Variants in KRAS observed in about 807,000 individuals in gnomAD.
KRAS encodes the protein GTPase KRas.
In KRAS, 1 loss-of-function variant was observed where a neutral mutation model predicts 21.0. That is an observed-to-expected ratio of 0.05 (90% CI 0.02 to 0.23). The LOEUF (loss-of-function observed/expected upper bound fraction) is 0.23, where lower values mean the gene tolerates loss of function less well. Among genes scored for constraint, KRAS ranks in the 10% least tolerant of loss-of-function variants. The pLI, the probability that KRAS is intolerant of heterozygous loss-of-function variation, is 1.00. For missense variants in KRAS, 107 were observed against 221.8 expected, an observed-to-expected ratio of 0.48 and a Z score of 3.29; for synonymous variants, 67 against 72.5, an observed-to-expected ratio of 0.92 and a Z score of 0.39.
chr12:25,238,808 T>C (rs1344425808), intron 2 of KRAS, among the ~76,000 whole-genome samples: 1 of 152,226 alleles, frequency 6.6e-6, no homozygotes, highest in African/African-American at 2.4e-5. Flanking sequence ...TCTCTATTGG[T>C]AGACATGAAG....
chr12:25,227,144 A>T, intron 3 of KRAS, 90 bp downstream of exon 3: 1 of 846,096 alleles, frequency 1.2e-6, no homozygotes, highest in Non-Finnish European at 1.8e-6. Flanking sequence ...TTTTTATTAA[A>T]TATTATATGC....
intron 4 of KRAS, among the ~76,000 whole-genome samples, chr12:25,210,173 C>T (rs899839274): frequency 7.2e-5 from 11 of 152,216 alleles, no homozygotes; most frequent in Admixed American, 3.9e-4. Flanking sequence ...AATAAGGTAA[C>T]GACTTTTTCA....
Position 25,209,420 on chromosome 12 carries a change from G to C in KRAS, c.*375C>G. ...AAATTAGTAATTAATCCATTTATGTGACTAGATAAAACACAGAATAGGGAT... is the reference window on the plus strand; with the variant it reads ...AAATTAGTAATTAATCCATTTATGTCACTAGATAAAACACAGAATAGGGAT... On this transcript the variant is annotated 3_prime_UTR_variant, in exon 5 of 5. Coordinates refer to ENST00000311936, the MANE Select transcript of KRAS (RefSeq NM_004985.5). 1.1e-6 allele frequency: 1 copy of C among 934,694 alleles called. No individual in the cohort carries two copies. The highest frequency in any genetic ancestry group is 1.5e-6 in the Non-Finnish European group (1 of 684,694). The allele number at this position is 934,694 out of a possible 1,614,324, so 57.9% of individuals were successfully genotyped here. A position where few individuals can be genotyped will look rare whatever the true frequency, so the allele number is the denominator to read the frequency against.
chr12:25,217,690 T>A (rs1206482096), intron 4 of KRAS, among the ~76,000 whole-genome samples: 1 of 152,048 alleles, frequency 6.6e-6, no homozygotes, highest in Non-Finnish European at 1.5e-5. Context: ...TACCAGCACT[T>A]TGAGAGGGCA....
rs931270212 is a variant in KRAS at position 25,205,736 on chromosome 12, T to C, written c.*4059A>G. ...AACATATCTGCAGATAACTTTTTTT[T>C]CCCCTAAATTCATCTAAATTACCTA... On this transcript the variant is annotated 3_prime_UTR_variant, in exon 5 of 5. Transcript: ENST00000311936. 6.5e-4 allele frequency: 141 copies of C among 215,774 alleles called. No homozygotes were observed. Among genetic ancestry groups the C allele is most frequent in the Middle Eastern group, 2.9e-3 (2 of 684 alleles). 13.4% of individuals were successfully genotyped at this position (215,774 alleles called of 1,614,324 possible).
chr12:25,244,153 CACAGT>C (rs1337632124), intron 2 of KRAS, among the ~76,000 whole-genome samples: 30 of 152,182 alleles, frequency 2.0e-4, no homozygotes, highest in Admixed American at 2.0e-3. Flanking sequence ...CAAGACACTA[CACAGT>C]ACAGTACGTT....
chr12:25,226,123 T>C (rs1001475215), intron 3 of KRAS, among the ~76,000 whole-genome samples: 4 of 152,298 alleles, frequency 2.6e-5, no homozygotes, highest in Admixed American at 6.5e-5. Context: ...GTTAAATGTG[T>C]AAAGATAAAA....
chr12:25,221,095 G>C (rs1446467846), intron 4 of KRAS, among the ~76,000 whole-genome samples: 3 of 149,548 alleles, frequency 2.0e-5, no homozygotes, highest in Admixed American at 1.3e-4. Flanking sequence ...ACTATGTTAA[G>C]TTTTACTTTA....
chr12:25,217,678 A>G (rs1951271179), intron 4 of KRAS, among the ~76,000 whole-genome samples: 1 of 152,168 alleles, frequency 6.6e-6, no homozygotes, highest in Non-Finnish European at 1.5e-5. Flanking sequence ...TAATGCCTGT[A>G]GTACCAGCAC....
chr12:25,227,384 T>G lies in KRAS; in HGVS notation c.140A>C (p.Asp47Ala). The change falls in exon 3 of 5, where the codon GAT becomes GCT. Residue 47 changes from aspartate to alanine, a missense_variant. Transcript: ENST00000311936. Reference protein sequence around the residue: ...EDSYRKQVVIDGETCLLDILD... With the variant: ...EDSYRKQVVIAGETCLLDILD... The stretch of plus-strand genomic sequence containing the variant: ...AATATCCAAGAGACAGGTTTCTCCA[T>G]CAATTACTACTTGCTTCCTGTAGGA... 6.2e-7 allele frequency: 1 copy of G among 1,614,088 alleles called. No individual in the cohort carries two copies. The highest frequency in any genetic ancestry group is 8.5e-7 in the Non-Finnish European group (1 of 1,179,982).
chr12:25,246,801 C>T (rs61759626), intron 1 of KRAS, among the ~76,000 whole-genome samples: 163 of 151,028 alleles, frequency 1.1e-3, no homozygotes, highest in African/African-American at 3.9e-3. Flanking sequence ...CCTGTAGTCC[C>T]AGCTACTTGG....
rs1450726613 is a variant in KRAS at position 25,208,471 on chromosome 12, C to T, written c.*1324G>A. 4.3e-6 allele frequency: 1 copy of T among 233,008 alleles called. No individual in the cohort carries two copies. The highest frequency in any genetic ancestry group is 8.5e-6 in the Non-Finnish European group (1 of 117,820). The allele number at this position is 233,008 out of a possible 1,614,324, so 14.4% of individuals were successfully genotyped here. A position where few individuals can be genotyped will look rare whatever the true frequency, so the allele number is the denominator to read the frequency against. On this transcript the variant is annotated 3_prime_UTR_variant, in exon 5 of 5. Transcript: ENST00000311936. ...ACCAGTGTTAAGAGAACTAGCCAAACCTAGAGATTGTAAAACTTTTTCACT... is the reference window on the plus strand; with the variant it reads ...ACCAGTGTTAAGAGAACTAGCCAAATCTAGAGATTGTAAAACTTTTTCACT...
chr12:25,216,750 A>T (rs922210149), intron 4 of KRAS, among the ~76,000 whole-genome samples: 2 of 152,204 alleles, frequency 1.3e-5, no homozygotes, highest in South Asian at 4.1e-4. Flanking sequence ...AATATTTTCC[A>T]ATCTAGAAAA....
At position 25,208,885 on chromosome 12, in the gene KRAS, C is replaced by T. The variant is rs903832615; in HGVS notation, c.*910G>A. 2.4e-5 allele frequency: 6 copies of T among 248,398 alleles called. No individual in the cohort carries two copies. Among genetic ancestry groups the T allele is most frequent in the African/African-American group, 1.1e-4 (5 of 45,692 alleles). The allele number at this position is 248,398 out of a possible 1,614,324, so 15.4% of individuals were successfully genotyped here. ...TCACAAGCAGAATTAAAACTATCTT[C>T]AAAGACTCAAGTTGAAGAAAAGATT... On this transcript the variant is annotated 3_prime_UTR_variant, in exon 5 of 5. Coordinates refer to ENST00000311936, the MANE Select transcript of KRAS (RefSeq NM_004985.5).
In KRAS at chr12:25,229,926, G is replaced by A. The variant is rs996379846; in HGVS notation, c.112-2514C>T. Reference sequence around the variant, plus strand: ...TGGGATTCTAGGTGCACGCCACCACGCCCGGCTAATTTTTGTACTGTTTTT... The same window carrying A: ...TGGGATTCTAGGTGCACGCCACCACACCCGGCTAATTTTTGTACTGTTTTT... On this transcript the variant is annotated intron_variant, in intron 2 of 4. Coordinates refer to ENST00000311936, the MANE Select transcript of KRAS (RefSeq NM_004985.5). Among the ~76,000 whole-genome samples, 67 of 152,036 alleles carry A rather than the reference G, an allele frequency of 4.4e-4. 1 individual carries two copies. The highest frequency in any genetic ancestry group is 1.4e-3 in the African/African-American group (59 of 41,476).
rs369769685 is a variant in KRAS at position 25,244,545 on chromosome 12, T to C, written c.111+729A>G. ...TGCTTGGGATGGAAGTTCTACTCCA[T>C]GACCTTCAAGGTGTCTTACAGGTCT... On this transcript the variant is annotated intron_variant, in intron 2 of 4. Transcript: ENST00000311936. Among the ~76,000 whole-genome samples, 78 of 152,264 alleles carry C rather than the reference T, an allele frequency of 5.1e-4. 2 individuals carry two copies. In the South Asian group the frequency reaches 0.016, roughly 31 times the overall value.
rs775000854 is a variant in KRAS at position 25,209,808 on chromosome 12, C to T, written c.554G>A (p.Cys185Tyr). 6.2e-7 allele frequency: 1 copy of T among 1,608,816 alleles called. No homozygotes were observed. The highest frequency in any genetic ancestry group is 1.1e-5 in the South Asian group (1 of 90,712). The change falls in exon 5 of 5, where the codon TGT becomes TAT. Residue 185 changes from cysteine to tyrosine, a missense_variant. This residue lies in a region of KRAS where 65 missense variants were observed against 82.3 expected (regional missense o/e 0.79). Transcript: ENST00000311936. ...TACAAATTGTATTTACATAATTACA[C>T]ACTTTGTCTTTGACTTCTTTTTCTT... ...KKKKKKSKTK[C>Y]VIM
chr12:25,247,368 T>C (rs1012345952), intron 1 of KRAS, among the ~76,000 whole-genome samples: 2 of 152,080 alleles, frequency 1.3e-5, no homozygotes, highest in Non-Finnish European at 2.9e-5. Flanking sequence ...GCTAGAAAAA[T>C]TGTATCACAC....
At chr12:25,218,574 G>C (rs1159828880) in intron 4 of KRAS, among the ~76,000 whole-genome samples, 1 of 151,932 alleles carries the variant, frequency 6.6e-6, no homozygotes, top group Non-Finnish European at 1.5e-5. Flanking sequence ...AGAAACTTAG[G>C]TTTTAGAGTA....
Sources: gnomAD v4.1 joint callset for allele counts (sites outside exome capture counted in the v4.1 genomes callset) on GRCh38, gnomAD v4.1.1 for gene constraint, gnomAD v4.1.1 regional missense constraint, MANE v1.5 for transcripts, NCBI Gene and HGNC (gene_info 2026-07-23, HGNC 2026-07-21) for gene names.